The following GRIP1 variants were observed in gnomAD, a reference collection of about 807,000 sequenced individuals.
The protein encoded by GRIP1 is glutamate receptor-interacting protein 1.
In GRIP1, 45 loss-of-function variants were observed where a neutral mutation model predicts 129.9. That is an observed-to-expected ratio of 0.35 (90% CI 0.27 to 0.44). The LOEUF (loss-of-function observed/expected upper bound fraction) is 0.44, where lower values mean the gene tolerates loss of function less well. Ranked by LOEUF, GRIP1 falls within the 20% of genes least tolerant of loss-of-function variation. The pLI, the probability that GRIP1 is intolerant of heterozygous loss-of-function variation, is 1.00. For synonymous variants in GRIP1, 530 were observed against 520.8 expected (o/e 1.02, Z -0.24); for missense variants, 1,196 against 1,396.8 (o/e 0.86, Z 2.29).
intron 1 of GRIP1, among the ~76,000 whole-genome samples, chr12:66,831,480 G>A (rs2039516710): frequency 6.6e-6 from 1 of 152,168 alleles, no homozygotes; most frequent in Non-Finnish European, 1.5e-5. Flanking sequence ...AATGTCATAT[G>A]TTGGCCCAAT....
chr12:66,384,445 G>A (rs1249858757), intron 19 of GRIP1, among the ~76,000 whole-genome samples: 2 of 152,172 alleles, frequency 1.3e-5, no homozygotes, highest in Non-Finnish European at 2.9e-5. Context: ...GATATTCCGG[G>A]TATGTGTACT....
chr12:66,966,274 T>C (rs565468650), intron 1 of GRIP1, among the ~76,000 whole-genome samples: 4 of 152,292 alleles, frequency 2.6e-5, no homozygotes, highest in South Asian at 4.1e-4. Flanking sequence ...TGAGTAGGTA[T>C]ACTTACATTG....
intron 1 of GRIP1, among the ~76,000 whole-genome samples, chr12:66,898,378 G>A (rs897207074): frequency 2.0e-5 from 3 of 152,004 alleles, no homozygotes; most frequent in South Asian, 4.2e-4. Flanking sequence ...TTGTGTCCTC[G>A]ATGGGGAGAG....
rs146423637 is a variant in GRIP1 at position 66,783,636 on chromosome 12, T to C, written c.-420+20417A>G. The stretch of plus-strand genomic sequence containing the variant: ...TTTGATAAGCAGGGTTAAAAATTCA[T>C]GGCCAACACATCGATTTTACAGTTT... On this transcript the variant is annotated intron_variant, in intron 1 of 4. Transcript: ENST00000538373. Among the ~76,000 whole-genome samples, 497 of 152,316 alleles carry C rather than the reference T, an allele frequency of 3.3e-3. 7 individuals carry two copies. The highest frequency in any genetic ancestry group is 0.022 in the South Asian group (106 of 4,828).
chr12:67,034,582 A>G (rs1253976806), intron 1 of GRIP1, among the ~76,000 whole-genome samples: 1 of 152,236 alleles, frequency 6.6e-6, no homozygotes, highest in African/African-American at 2.4e-5. Context: ...GGCACTTGCC[A>G]TGAATGGTGC....
intron 1 of GRIP1, among the ~76,000 whole-genome samples, chr12:66,937,261 T>A (rs12809312): frequency 6.6e-6 from 1 of 152,016 alleles, no homozygotes; most frequent in Admixed American, 6.5e-5. Flanking sequence ...CCCCTGACAC[T>A]TGGCCACCTT....
intron 1 of GRIP1, among the ~76,000 whole-genome samples, chr12:66,780,781 C>T (rs573099328): frequency 2.0e-4 from 31 of 152,190 alleles, no homozygotes; most frequent in African/African-American, 6.5e-4. Context: ...CATGCACTGC[C>T]GCTTTGCCCT....
At chr12:66,420,607 GT>G in intron 15 of GRIP1, 112 bp downstream of exon 15, 1 of 736,268 alleles carries the variant, frequency 1.4e-6, no homozygotes, top group Non-Finnish European at 2.5e-6. Flanking sequence ...CTGCTTGGAA[GT>G]TTTTGAAAAT....
chr12:66,901,635 G>T (rs1455042065), intron 1 of GRIP1, among the ~76,000 whole-genome samples: 1 of 152,172 alleles, frequency 6.6e-6, no homozygotes, highest in Non-Finnish European at 1.5e-5. Context: ...ATGTACAGTA[G>T]CCTTAATAAA....
At chr12:66,540,388 C>T (rs1267579736) in intron 3 of GRIP1, among the ~76,000 whole-genome samples, 1 of 152,170 alleles carries the variant, frequency 6.6e-6, no homozygotes, top group Non-Finnish European at 1.5e-5. Context: ...ACTGAAAATG[C>T]TACCCTTTCC....
intron 1 of GRIP1, among the ~76,000 whole-genome samples, chr12:66,992,665 A>G (rs2042410667): frequency 6.6e-6 from 1 of 152,276 alleles, no homozygotes; most frequent in Non-Finnish European, 1.5e-5. Context: ...GGTAGGCCAT[A>G]AAACAATCCT....
intron 1 of GRIP1, among the ~76,000 whole-genome samples, chr12:66,620,235 A>G (rs1425878599): frequency 6.6e-6 from 1 of 152,166 alleles, no homozygotes; most frequent in African/African-American, 2.4e-5. Context: ...TGAGTCATTC[A>G]ATTCCTCTCA....
At chr12:66,519,965 C>T (rs1044139329) in intron 5 of GRIP1, among the ~76,000 whole-genome samples, 18 of 152,146 alleles carry the variant, frequency 1.2e-4, no homozygotes, top group Non-Finnish European at 2.4e-4. Flanking sequence ...AGGTTTAGGC[C>T]AGAACATCAT....
At chr12:67,052,513 A>AC (rs1479821079) in intron 1 of GRIP1, among the ~76,000 whole-genome samples, 1 of 152,154 alleles carries the variant, frequency 6.6e-6, no homozygotes, top group Non-Finnish European at 1.5e-5. Context: ...TAATCCCAGC[A>AC]TTTTGGGAGG....
intron 16 of GRIP1, among the ~76,000 whole-genome samples, chr12:66,405,123 A>C (rs2057145566): frequency 6.6e-6 from 1 of 152,218 alleles, no homozygotes; most frequent in South Asian, 2.1e-4. Context: ...TAGGTGGAGG[A>C]AGAATTCAGA....
At chr12:66,779,067 C>T (rs930342479) in intron 1 of GRIP1, among the ~76,000 whole-genome samples, 6 of 152,168 alleles carry the variant, frequency 3.9e-5, no homozygotes, top group Admixed American at 3.3e-4. Flanking sequence ...ATGGAGAAAT[C>T]AGAAAACCGG....
chr12:66,602,745 T>A (rs534989077), intron 1 of GRIP1, among the ~76,000 whole-genome samples: 1 of 152,132 alleles, frequency 6.6e-6, no homozygotes, highest in East Asian at 1.9e-4. Flanking sequence ...TTGTTTTGCA[T>A]CTGCATGGCA....
chr12:66,948,946 T>C (rs2041712947), intron 1 of GRIP1, among the ~76,000 whole-genome samples: 1 of 152,226 alleles, frequency 6.6e-6, no homozygotes. Context: ...TAGAGAATCT[T>C]GGTTATAAAT....
intron 14 of GRIP1, among the ~76,000 whole-genome samples, chr12:66,425,582 A>C (rs1346684993): frequency 6.6e-6 from 1 of 152,170 alleles, no homozygotes; most frequent in Non-Finnish European, 1.5e-5. Flanking sequence ...CAAATGTCCA[A>C]CAAAGATAGA....
Sources: gnomAD v4.1 joint callset for allele counts (sites outside exome capture counted in the v4.1 genomes callset) on GRCh38, gnomAD v4.1.1 for gene constraint, MANE v1.5 for transcripts, NCBI Gene and HGNC (gene_info 2026-07-23, HGNC 2026-07-21) for gene names.